Variants in B3GALT1 observed in about 807,000 individuals in gnomAD.
B3GALT1 encodes beta-1,3-galactosyltransferase 1.
A neutral mutation model predicts 23.2 loss-of-function variants in B3GALT1; 10 were observed. That is an observed-to-expected ratio of 0.43 (90% CI 0.27 to 0.73). B3GALT1 has a LOEUF of 0.73. B3GALT1 is among the 30% of genes least tolerant of loss of function. The pLI is 0.21. For missense variants in B3GALT1, 299 were observed against 405.4 expected (o/e 0.74, Z 2.25); for synonymous variants, 156 against 141.5 (o/e 1.10, Z -0.73).
rs568353890 is a variant in B3GALT1, at chr2:167,400,986, C to A, written c.-510-89191C>A. Among the ~76,000 whole-genome samples the A allele has an allele frequency of 7.9e-5, 12 of 152,222 alleles. No homozygotes were observed. In the East Asian group the frequency reaches 2.3e-3, roughly 29 times the overall value. On this transcript the variant is annotated intron_variant, in intron 1 of 4. Transcript: ENST00000392690. ...GTCTACTTTTTAGTCCCCTTTTTCTCTGCTCAGATATGTAATCAGCTTAAT... is the reference window on the plus strand; with the variant it reads ...GTCTACTTTTTAGTCCCCTTTTTCTATGCTCAGATATGTAATCAGCTTAAT...
intron 3 of B3GALT1, among the ~76,000 whole-genome samples, chr2:167,810,222 A>C (rs1208193468): frequency 6.6e-6 from 1 of 150,902 alleles, no homozygotes; most frequent in East Asian, 1.9e-4. Flanking sequence ...GACCCCTTGC[A>C]CTTCCTGGGT....
chr2:167,453,844 A>G (rs968596918), intron 1 of B3GALT1, among the ~76,000 whole-genome samples: 11 of 152,250 alleles, frequency 7.2e-5, no homozygotes, highest in African/African-American at 2.4e-4. Context: ...TGTCAGGCTC[A>G]TTGAATTTTC....
At chr2:167,692,693 T>C (rs1343862158) in intron 3 of B3GALT1, among the ~76,000 whole-genome samples, 1 of 152,100 alleles carries the variant, frequency 6.6e-6, no homozygotes, top group Non-Finnish European at 1.5e-5. Flanking sequence ...TTCTGATTAA[T>C]AATAACAATA....
intron 1 of B3GALT1, among the ~76,000 whole-genome samples, chr2:167,414,074 T>C (rs2105297447): frequency 6.6e-6 from 1 of 152,230 alleles, no homozygotes; most frequent in African/African-American, 2.4e-5. Context: ...GACAAAAGTA[T>C]ACAGATTTAT....
chr2:167,760,233 C>T (rs1454263388), intron 3 of B3GALT1, among the ~76,000 whole-genome samples: 1 of 152,146 alleles, frequency 6.6e-6, no homozygotes, highest in Non-Finnish European at 1.5e-5. Flanking sequence ...GAAAACTATA[C>T]TTGTTTAAGC....
chr2:167,388,164 T>C (rs1169757550), intron 1 of B3GALT1, among the ~76,000 whole-genome samples: 1 of 152,128 alleles, frequency 6.6e-6, no homozygotes, highest in Non-Finnish European at 1.5e-5. Context: ...TATTGGGAGA[T>C]GTAAAATGAT....
chr2:167,549,071 C>A (rs1319476334), intron 2 of B3GALT1, among the ~76,000 whole-genome samples: 6 of 152,160 alleles, frequency 3.9e-5, no homozygotes, highest in African/African-American at 1.4e-4. Flanking sequence ...AAAGTCCAAT[C>A]ACTTTTTAGA....
chr2:167,574,580 C>A (rs1025840058), intron 2 of B3GALT1, among the ~76,000 whole-genome samples: 1 of 151,606 alleles, frequency 6.6e-6, no homozygotes, highest in African/African-American at 2.4e-5. Context: ...TAGATTGCTG[C>A]CTTCATCAAC....
chr2:167,764,462 G>T (rs1273825388), intron 3 of B3GALT1, among the ~76,000 whole-genome samples: 1 of 152,108 alleles, frequency 6.6e-6, no homozygotes, highest in African/African-American at 2.4e-5. Context: ...GACATAAATG[G>T]TTTATTCCCA....
At chr2:167,689,397 G>A (rs552610898) in intron 3 of B3GALT1, among the ~76,000 whole-genome samples, 4 of 152,072 alleles carry the variant, frequency 2.6e-5, no homozygotes, top group Non-Finnish European at 5.9e-5. Context: ...AGACATACCT[G>A]AAAAGAATAA....
At chr2:167,619,376 T>C (rs1022452416) in intron 2 of B3GALT1, among the ~76,000 whole-genome samples, 10 of 152,064 alleles carry the variant, frequency 6.6e-5, no homozygotes, top group African/African-American at 2.4e-4. Flanking sequence ...ATTTATATAA[T>C]CATTTGTCTA....
intron 1 of B3GALT1, among the ~76,000 whole-genome samples, chr2:167,312,605 A>G (rs895786339): frequency 1.3e-5 from 2 of 152,124 alleles, no homozygotes; most frequent in African/African-American, 2.4e-5. Context: ...TAATATTTTG[A>G]TAATGACATA....
At chr2:167,381,885 C>T (rs1697851721) in intron 1 of B3GALT1, among the ~76,000 whole-genome samples, 1 of 152,138 alleles carries the variant, frequency 6.6e-6, no homozygotes, top group Non-Finnish European at 1.5e-5. Flanking sequence ...CAATTTTGAT[C>T]AGTTTATCTT....
chr2:167,401,908 G>A (rs1698197840), intron 1 of B3GALT1, among the ~76,000 whole-genome samples: 1 of 152,064 alleles, frequency 6.6e-6, no homozygotes, highest in African/African-American at 2.4e-5. Flanking sequence ...GATTATTTAG[G>A]CTTGAATGCC....
intron 4 of B3GALT1, among the ~76,000 whole-genome samples, chr2:167,844,001 T>C (rs148547166): frequency 1.3e-5 from 2 of 152,182 alleles, no homozygotes; most frequent in African/African-American, 4.8e-5. Context: ...CTGAGAATGC[T>C]CACAGAGTAA....
intron 2 of B3GALT1, among the ~76,000 whole-genome samples, chr2:167,495,698 T>C (rs1699774496): frequency 6.6e-6 from 1 of 152,130 alleles, no homozygotes; most frequent in South Asian, 2.1e-4. Context: ...CCAGATCTGT[T>C]CCTAGGCTTT....
intron 1 of B3GALT1, among the ~76,000 whole-genome samples, chr2:167,489,680 T>C (rs1334209513): frequency 1.3e-5 from 2 of 152,064 alleles, no homozygotes; most frequent in Non-Finnish European, 2.9e-5. Context: ...TTGGTAGGGA[T>C]TTTTACATTA....
At chr2:167,437,185 G>C (rs4130760) in intron 1 of B3GALT1, among the ~76,000 whole-genome samples, 8,641 of 152,196 alleles carry the variant, frequency 0.057, 569 homozygotes, top group African/African-American at 0.16. Context: ...CCCTAACTGA[G>C]TCAGAAGCTC....
rs1482056489 is a variant in B3GALT1, at chr2:167,565,737, G to A, written c.-410+75460G>A. The stretch of plus-strand genomic sequence containing the variant: ...CAAGAAGACATTTATGCAGCCAAAA[G>A]GCACATGAAAAAATGCTCACCATCA... On this transcript the variant is annotated intron_variant, in intron 2 of 4. Coordinates refer to ENST00000392690, the MANE Select transcript of B3GALT1 (RefSeq NM_020981.4). 3.3e-5 allele frequency among the ~76,000 whole-genome samples: 5 copies of A among 152,240 alleles called. 1 individual carries two copies. Among genetic ancestry groups the A allele is most frequent in the African/African-American group, 1.2e-4 (5 of 41,544 alleles).
Sources: allele counts gnomAD v4.1 joint callset (sites outside exome capture counted in the v4.1 genomes callset), GRCh38; gene constraint gnomAD v4.1.1; transcripts MANE v1.5; gene names NCBI Gene and HGNC (gene_info 2026-07-23, HGNC 2026-07-21).